The following ST6GALNAC5 variants were observed in gnomAD, a reference collection of about 807,000 sequenced individuals.
ST6GALNAC5 encodes alpha-N-acetylgalactosaminide alpha-2,6-sialyltransferase 5.
ST6GALNAC5 carries 27 observed loss-of-function variants against 33.6 expected under a neutral mutation model. The observed-to-expected ratio is 0.80, with a 90% CI of 0.59 to 1.11. ST6GALNAC5 has a LOEUF of 1.11. Ranked by LOEUF, ST6GALNAC5 falls within the 50% of genes least tolerant of loss-of-function variation. The probability of loss-of-function intolerance (pLI) is 0.00; values close to 1 mark genes in which losing one functional copy is unlikely to be tolerated. For missense variants in ST6GALNAC5, 428 were observed against 454.0 expected, an observed-to-expected ratio of 0.94 and a Z score of 0.52; for synonymous variants, 194 against 171.2, an observed-to-expected ratio of 1.13 and a Z score of -1.04.
chr1:77,061,167 A>G (rs1652562591), intron 4 of ST6GALNAC5, among the ~76,000 whole-genome samples: 1 of 152,224 alleles, frequency 6.6e-6, no homozygotes, highest in African/African-American at 2.4e-5. Flanking sequence ...ACTACAGAAC[A>G]TAGAGATAAT....
Position 76,930,244 on chromosome 1 carries a change from A to G in ST6GALNAC5, c.261+61502A>G, listed in dbSNP as rs192571587. The stretch of plus-strand genomic sequence containing the variant: ...ATAGTGATAGTACCTAACTCAAAAT[A>G]TTGTTATGAGGATAGTTTATATGTC... On this transcript the variant is annotated intron_variant, in intron 2 of 4. Transcript: ENST00000477717. Among the ~76,000 whole-genome samples, 10 of 152,220 alleles carry G rather than the reference A, an allele frequency of 6.6e-5. No individual in the cohort carries two copies. In the East Asian group the frequency reaches 1.5e-3, roughly 24 times the overall value.
chr1:77,036,206 A>G (rs1041204542), intron 2 of ST6GALNAC5, among the ~76,000 whole-genome samples: 1 of 152,206 alleles, frequency 6.6e-6, no homozygotes, highest in Non-Finnish European at 1.5e-5. Flanking sequence ...CGAAATGTCC[A>G]GAAAAGGCCA....
chr1:76,960,634 G>T (rs1301863050), intron 2 of ST6GALNAC5, among the ~76,000 whole-genome samples: 7 of 152,064 alleles, frequency 4.6e-5, no homozygotes, highest in Non-Finnish European at 1.5e-5. Context: ...CATAAAAGAT[G>T]GCCAACCCCC....
intron 2 of ST6GALNAC5, among the ~76,000 whole-genome samples, chr1:76,916,096 A>G (rs1189412269): frequency 2.6e-5 from 4 of 152,004 alleles, no homozygotes; most frequent in Admixed American, 2.6e-4. Flanking sequence ...TTTTTAGGAA[A>G]AAAGTATCTT....
chr1:76,906,762 G>T (rs889505365), intron 2 of ST6GALNAC5, among the ~76,000 whole-genome samples: 4 of 152,038 alleles, frequency 2.6e-5, no homozygotes, highest in Non-Finnish European at 5.9e-5. Context: ...TCTCAACTCC[G>T]GGTCTCCCTC....
intron 2 of ST6GALNAC5, among the ~76,000 whole-genome samples, chr1:76,987,666 A>G (rs1649567338): frequency 6.6e-6 from 1 of 152,206 alleles, no homozygotes; most frequent in African/African-American, 2.4e-5. Flanking sequence ...CAGACACAAC[A>G]GCCCAACAGT....
chr1:76,947,557 A>G (rs915143324), intron 2 of ST6GALNAC5, among the ~76,000 whole-genome samples: 16 of 152,114 alleles, frequency 1.1e-4, no homozygotes, highest in Non-Finnish European at 1.2e-4. Context: ...GGCAACATAG[A>G]GAGACCCCAT....
At chr1:76,963,319 G>A (rs978385158) in intron 2 of ST6GALNAC5, among the ~76,000 whole-genome samples, 1 of 152,200 alleles carries the variant, frequency 6.6e-6, no homozygotes, top group Non-Finnish European at 1.5e-5. Context: ...CACACAGCGA[G>A]TGCTCTGGCT....
intron 2 of ST6GALNAC5, among the ~76,000 whole-genome samples, chr1:76,993,173 A>T (rs1374723785): frequency 6.6e-6 from 1 of 152,132 alleles, no homozygotes; most frequent in Non-Finnish European, 1.5e-5. Flanking sequence ...TCCCTCCATG[A>T]TGCCTTTGCG....
chr1:76,984,335 C>T (rs1282224328), intron 2 of ST6GALNAC5, among the ~76,000 whole-genome samples: 6 of 152,116 alleles, frequency 3.9e-5, no homozygotes, highest in Non-Finnish European at 7.4e-5. Flanking sequence ...AAGTGGATAT[C>T]ACCATCGATC....
intron 2 of ST6GALNAC5, among the ~76,000 whole-genome samples, chr1:76,970,676 G>A (rs1648713477): frequency 6.6e-6 from 1 of 152,082 alleles, no homozygotes; most frequent in African/African-American, 2.4e-5. Flanking sequence ...AGAAAGGCAG[G>A]CCAACATTCA....
At chr1:76,927,785 TA>T (rs1647100676) in intron 2 of ST6GALNAC5, among the ~76,000 whole-genome samples, 1 of 152,154 alleles carries the variant, frequency 6.6e-6, no homozygotes. Context: ...AAAATGTATC[TA>T]TTCTCTTTAG....
At position 77,063,167 on chromosome 1, in the gene ST6GALNAC5, A is replaced by G; in HGVS notation, c.972A>G (p.Ser324=). 1 of 1,613,810 alleles carries G rather than the reference A, an allele frequency of 6.2e-7. No individual in the cohort carries two copies. The highest frequency in any genetic ancestry group is 8.5e-7 in the Non-Finnish European group (1 of 1,179,800). ...HFFQPDWKPE[S]LAINHPENKP... The stretch of plus-strand genomic sequence containing the variant: ...TTCAACCAGACTGGAAACCAGAATC[A>G]CTTGCTATAAATCATCCTGAGAATA... Residue 324 remains serine, a synonymous_variant, in exon 5 of 5, where the codon TCA becomes TCG. Coordinates refer to ENST00000477717, the MANE Select transcript of ST6GALNAC5 (RefSeq NM_030965.3).
In ST6GALNAC5 at chr1:76,902,055, C is replaced by A. The variant is rs796991349; in HGVS notation, c.261+33313C>A. 6.2e-4 allele frequency among the ~76,000 whole-genome samples: 95 copies of A among 152,098 alleles called. 2 individuals carry two copies. The highest frequency in any genetic ancestry group is 2.1e-3 in the African/African-American group (86 of 41,490). ...AATGATACATTGAGATCATCTGATT[C>A]CCTCTTTATTGTGATTGTTTCTTTA... On this transcript the variant is annotated intron_variant, in intron 2 of 4. Coordinates refer to ENST00000477717, the MANE Select transcript of ST6GALNAC5 (RefSeq NM_030965.3).
At chr1:76,929,967 A>C (rs956879644) in intron 2 of ST6GALNAC5, among the ~76,000 whole-genome samples, 1 of 152,088 alleles carries the variant, frequency 6.6e-6, no homozygotes, top group African/African-American at 2.4e-5. Flanking sequence ...AAAATTGAAA[A>C]ATTAATTACA....
chr1:76,911,556 G>C (rs939028259), intron 2 of ST6GALNAC5, among the ~76,000 whole-genome samples: 1 of 152,106 alleles, frequency 6.6e-6, no homozygotes, highest in African/African-American at 2.4e-5. Context: ...GAATTCGGCT[G>C]TGAATCCATC....
chr1:76,941,136 G>A (rs1304990751), intron 2 of ST6GALNAC5, among the ~76,000 whole-genome samples: 3 of 152,066 alleles, frequency 2.0e-5, no homozygotes, highest in Non-Finnish European at 2.9e-5. Flanking sequence ...AACTCTGTGA[G>A]CTTAGGCAAT....
intron 2 of ST6GALNAC5, among the ~76,000 whole-genome samples, chr1:76,988,316 C>T (rs2100392281): frequency 6.6e-6 from 1 of 151,996 alleles, no homozygotes; most frequent in East Asian, 1.9e-4. Context: ...CTTCTGTGTC[C>T]TTGCCAATAT....
rs375785356 is a variant in ST6GALNAC5, at chr1:77,001,853, G to A, written c.262-42351G>A. Among the ~76,000 whole-genome samples the A allele has an allele frequency of 2.6e-5, 4 of 151,950 alleles. No homozygotes were observed. In the East Asian group the frequency reaches 7.8e-4, roughly 30 times the overall value. On this transcript the variant is annotated intron_variant, in intron 2 of 4. Coordinates refer to ENST00000477717, the MANE Select transcript of ST6GALNAC5 (RefSeq NM_030965.3). The stretch of plus-strand genomic sequence containing the variant: ...CAGGAATGAAGCCCACTTGATCATG[G>A]TGGATAAGCTTTTTGATGTGCTGCT...
Sources: allele counts gnomAD v4.1 joint callset (sites outside exome capture counted in the v4.1 genomes callset), GRCh38; gene constraint gnomAD v4.1.1; transcripts MANE v1.5; gene names NCBI Gene and HGNC (gene_info 2026-07-23, HGNC 2026-07-21).